TRAK1: variants seen among roughly 807,000 people sequenced by gnomAD.
TRAK1 encodes trafficking kinesin-binding protein 1.
TRAK1 carries 33 observed loss-of-function variants against 92.1 expected under a neutral mutation model. That is an observed-to-expected ratio of 0.36 (90% CI 0.27 to 0.48). The LOEUF (loss-of-function observed/expected upper bound fraction) is 0.48, where lower values mean the gene tolerates loss of function less well. Among genes scored for constraint, TRAK1 ranks in the 20% least tolerant of loss-of-function variants. The probability of loss-of-function intolerance (pLI) is 0.99; values close to 1 mark genes in which losing one functional copy is unlikely to be tolerated. For synonymous variants in TRAK1, 521 were observed against 517.3 expected (o/e 1.01, Z -0.10); for missense variants, 1,123 against 1,257.9 (o/e 0.89, Z 1.62).
chr3:42,136,395 CAGG>C (rs1697956921), intron 2 of TRAK1, among the ~76,000 whole-genome samples: 1 of 151,998 alleles, frequency 6.6e-6, no homozygotes, highest in Admixed American at 6.6e-5. Context: ...GAGGCCTAGG[CAGG>C]AGGATTGCTT....
intron 6 of TRAK1, among the ~76,000 whole-genome samples, chr3:42,190,723 G>A (rs1705589435): frequency 6.6e-6 from 1 of 151,808 alleles, no homozygotes; most frequent in African/African-American, 2.4e-5. Context: ...TGTCTAACTG[G>A]GGCTCTTGCT....
chr3:42,094,899 GC>G (rs1705668115), intron 1 of TRAK1, among the ~76,000 whole-genome samples: 1 of 152,176 alleles, frequency 6.6e-6, no homozygotes, highest in African/African-American at 2.4e-5. Context: ...CAGGATTGAG[GC>G]CCGGGAACTG....
chr3:42,098,377 G>A (rs1028975907), intron 1 of TRAK1, among the ~76,000 whole-genome samples: 2 of 152,192 alleles, frequency 1.3e-5, no homozygotes, highest in African/African-American at 4.8e-5. Flanking sequence ...AGCACATGGA[G>A]GAAGGGAGGT....
intron 1 of TRAK1, among the ~76,000 whole-genome samples, chr3:42,093,647 C>CT (rs1705430048): frequency 1.5e-5 from 1 of 68,304 alleles, no homozygotes; most frequent in Non-Finnish European, 3.1e-5. Context: ...TCTCTTTTTT[C>CT]TCCCCTTCCC....
chr3:42,211,280 A>T, intron 14 of TRAK1: 1 of 985,342 alleles, frequency 1.0e-6, no homozygotes, highest in Middle Eastern at 5.2e-4. Context: ...TTTACTTGGG[A>T]TCAACTTTTC....
chr3:42,181,964 T>A (rs980793651), intron 3 of TRAK1, among the ~76,000 whole-genome samples: 2 of 151,976 alleles, frequency 1.3e-5, no homozygotes, highest in African/African-American at 4.8e-5. Flanking sequence ...ACCTTTTTTT[T>A]TTTTTTTTTC....
chr3:42,149,171 G>A, intron 2 of TRAK1: 1 of 1,032,426 alleles, frequency 9.7e-7, no homozygotes, highest in Non-Finnish European at 1.2e-6. Context: ...GAGACAGCCA[G>A]TGGTGGTGTG....
intron 3 of TRAK1, among the ~76,000 whole-genome samples, chr3:42,178,915 C>T (rs1179747967): frequency 6.6e-6 from 1 of 152,092 alleles, no homozygotes; most frequent in Non-Finnish European, 1.5e-5. Flanking sequence ...GTGGAGATTG[C>T]CGTGCACCGA....
chr3:42,219,638 G>T, intron 15 of TRAK1, 42 bp downstream of exon 15: 1 of 1,597,648 alleles, frequency 6.3e-7, no homozygotes, highest in East Asian at 2.2e-5. Context: ...GTGGGGTGAA[G>T]TCAGGGCACT....
chr3:42,156,496 A>G (rs535267113), intron 2 of TRAK1, among the ~76,000 whole-genome samples: 1 of 152,360 alleles, frequency 6.6e-6, no homozygotes, highest in Non-Finnish European at 1.5e-5. Context: ...TTGAACATCA[A>G]AATAAATAAT....
chr3:42,125,658 A>G (rs749260214), intron 2 of TRAK1, 44 bp downstream of exon 2: 2 of 1,596,530 alleles, frequency 1.3e-6, no homozygotes, highest in African/African-American at 1.3e-5. Flanking sequence ...TATCATGATC[A>G]GGTCTTCTTA....
intron 1 of TRAK1, among the ~76,000 whole-genome samples, chr3:42,109,536 A>T (rs1708050279): frequency 6.6e-6 from 1 of 152,230 alleles, no homozygotes; most frequent in African/African-American, 2.4e-5. Flanking sequence ...ACATGGTATA[A>T]AGGCTAGAAC....
intron 1 of TRAK1, among the ~76,000 whole-genome samples, chr3:42,077,162 T>A (rs1030147092): frequency 1.1e-4 from 17 of 152,254 alleles, no homozygotes; most frequent in African/African-American, 4.1e-4. Context: ...AATAGTTTTT[T>A]TCTAATTATG....
chr3:42,154,424 T>G (rs943267689), intron 2 of TRAK1, among the ~76,000 whole-genome samples: 1 of 152,124 alleles, frequency 6.6e-6, no homozygotes, highest in Admixed American at 6.5e-5. Flanking sequence ...CTGCTTGCCT[T>G]GGCCTCCCAA....
At chr3:42,100,688 CAG>C (rs943028007) in intron 1 of TRAK1, among the ~76,000 whole-genome samples, 17 of 152,148 alleles carry the variant, frequency 1.1e-4, no homozygotes, top group Non-Finnish European at 5.9e-5. Flanking sequence ...TATTTTGAGA[CAG>C]AGTTTTGTTC....
chr3:42,076,407 G>A (rs748490522), intron 1 of TRAK1, among the ~76,000 whole-genome samples: 21 of 150,726 alleles, frequency 1.4e-4, no homozygotes, highest in African/African-American at 4.9e-4. Context: ...CATATTTTTA[G>A]TAGAGATGGG....
intron 1 of TRAK1, among the ~76,000 whole-genome samples, chr3:42,080,292 T>C (rs755793854): frequency 3.3e-5 from 5 of 152,248 alleles, no homozygotes; most frequent in Non-Finnish European, 5.9e-5. Context: ...TTGTTGATCA[T>C]TGAGTTGAGA....
upstream of TRAK1, among the ~76,000 whole-genome samples, chr3:42,088,837 A>C (rs1704827635): frequency 6.6e-6 from 1 of 152,092 alleles, no homozygotes; most frequent in African/African-American, 2.4e-5. Flanking sequence ...TCTTCTCCCA[A>C]GCCTGGGAAC....
At chr3:42,145,931 A>C (rs1358271427) in intron 2 of TRAK1, 1 of 253,720 alleles carries the variant, frequency 3.9e-6, no homozygotes, top group Admixed American at 5.5e-5. Flanking sequence ...GTGCTCCTCT[A>C]TCCCAAATTC....
Sources: allele counts gnomAD v4.1 joint callset (sites outside exome capture counted in the v4.1 genomes callset), GRCh38; gene constraint gnomAD v4.1.1; transcripts MANE v1.5; gene names NCBI Gene and HGNC (gene_info 2026-07-23, HGNC 2026-07-21).